The following NFS1 variants were observed in gnomAD, a reference collection of about 807,000 sequenced individuals.
NFS1 encodes the protein cysteine desulfurase.
Under a neutral mutation model 57.3 loss-of-function variants are expected in NFS1, and 26 were observed. That is an observed-to-expected ratio of 0.45 (90% CI 0.33 to 0.63). The LOEUF (loss-of-function observed/expected upper bound fraction) is 0.63. Among genes scored for constraint, NFS1 ranks in the 20% least tolerant of loss-of-function variants. The pLI is 0.02. For synonymous variants in NFS1, 209 were observed against 216.3 expected, an observed-to-expected ratio of 0.97 and a Z score of 0.30; for missense variants, 505 against 605.8, an observed-to-expected ratio of 0.83 and a Z score of 1.75.
intron 7 of NFS1, chr20:35,675,461 A>C: frequency 1.9e-6 from 1 of 527,432 alleles, no homozygotes; most frequent in Non-Finnish European, 3.4e-6. Flanking sequence ...ATGAAATGCC[A>C]TCATACATTA....
At chr20:35,674,072 C>T (rs1357239986) in intron 10 of NFS1, 21 of 482,752 alleles carry the variant, frequency 4.4e-5, no homozygotes, top group Non-Finnish European at 5.3e-5. Context: ...ATTCTAGAGG[C>T]CTGTAACAGA....
chr20:35,695,929 A>C (rs1295777883), intron 4 of NFS1, among the ~76,000 whole-genome samples: 1 of 151,970 alleles, frequency 6.6e-6, no homozygotes, highest in Non-Finnish European at 1.5e-5. Flanking sequence ...ACTCCCAGCT[A>C]CTCTGGAGGC....
Position 35,675,070 on chromosome 20 carries a change from C to G in NFS1, c.923G>C (p.Cys308Ser), listed in dbSNP as rs369408026. The change falls in exon 8 of 13, where the codon TGT becomes TCT. Residue 308 changes from cysteine to serine, a missense_variant. Coordinates refer to ENST00000374092, the MANE Select transcript of NFS1 (RefSeq NM_021100.5). The part of the protein sequence containing the change: ...TPLVVGLGAA[C>S]EVAQQEMEYD... ...CTCCATCTCTTGCTGTGCCACCTCA[C>G]ACGCAGCCCCCAGCCCCACCACTAA... 6 of 1,614,048 alleles carry G rather than the reference C, an allele frequency of 3.7e-6. No homozygotes were observed. Among genetic ancestry groups the G allele is most frequent in the Non-Finnish European group, 5.1e-6 (6 of 1,179,946 alleles).
chr20:35,684,179 G>A (rs557678526), intron 5 of NFS1, among the ~76,000 whole-genome samples: 24 of 150,610 alleles, frequency 1.6e-4, no homozygotes, highest in African/African-American at 4.1e-4. Flanking sequence ...AGGCCGAGGC[G>A]GGCGGATCAC....
chr20:35,699,329 C>G lies in NFS1; in HGVS notation c.-41G>C. On this transcript the variant is annotated 5_prime_UTR_variant, in exon 1 of 13. Coordinates refer to ENST00000374092, the MANE Select transcript of NFS1 (RefSeq NM_021100.5). This position sits in a 1 kb window ranked among gnomAD's most constrained non-coding sequence, Gnocchi z 4.4. Reference sequence around the variant, plus strand: ...GCCCACCTTCCGAAGCCGCTGCAGTCCTGGGCCCCAGGCTCCCGGAAGTGC... The same window carrying G: ...GCCCACCTTCCGAAGCCGCTGCAGTGCTGGGCCCCAGGCTCCCGGAAGTGC... 1 of 1,399,504 alleles carries G rather than the reference C, an allele frequency of 7.1e-7. No homozygotes were observed. Among genetic ancestry groups the G allele is most frequent in the Non-Finnish European group, 9.2e-7 (1 of 1,081,250 alleles). The allele number at this position is 1,399,504 out of a possible 1,614,324, so 86.7% of individuals were successfully genotyped here. A position where few individuals can be genotyped will look rare whatever the true frequency, so the allele number is the denominator to read the frequency against.
chr20:35,668,935 T>C lies in NFS1; in HGVS notation c.*687A>G, dbSNP rs1048069517. ...ACAATTCCCAAGTACAGCTTCCACT[T>C]TTCCCTCAACCTCTCATAAAGTCAC... On this transcript the variant is annotated 3_prime_UTR_variant, in exon 13 of 13. Coordinates refer to ENST00000374092, the MANE Select transcript of NFS1 (RefSeq NM_021100.5). 11 of 152,196 alleles carry C rather than the reference T, an allele frequency of 7.2e-5. No individual in the cohort carries two copies. Among genetic ancestry groups the C allele is most frequent in the African/African-American group, 2.7e-4 (11 of 41,446 alleles). 9.4% of individuals were successfully genotyped at this position (152,196 alleles called of 1,614,324 possible).
intron 4 of NFS1, among the ~76,000 whole-genome samples, chr20:35,691,738 C>CA (rs60402350): frequency 0.22 from 3,899 of 18,070 alleles, 857 homozygotes; most frequent in South Asian, 0.33. Flanking sequence ...GACTGCATCT[C>CA]AAAAAAAAAA....
intron 6 of NFS1, among the ~76,000 whole-genome samples, chr20:35,681,138 T>C (rs2034841430): frequency 6.6e-6 from 1 of 152,026 alleles, no homozygotes; most frequent in East Asian, 1.9e-4. Context: ...GATATTCTTA[T>C]GCATACAATT....
rs191953574 is a variant in NFS1, at chr20:35,681,603, C to T, written c.655+285G>A. ...GTCCCAGCTACTCAAGAGGCTGAGG[C>T]GGTAGGATCATTTGAACCCAGAGTG... On this transcript the variant is annotated intron_variant, in intron 6 of 12. Coordinates refer to ENST00000374092, the MANE Select transcript of NFS1 (RefSeq NM_021100.5). Among the ~76,000 whole-genome samples the T allele has an allele frequency of 6.5e-4, 99 of 152,168 alleles. 1 individual carries two copies. The South Asian group carries it at 0.01, about 16-fold the overall frequency.
intron 4 of NFS1, among the ~76,000 whole-genome samples, chr20:35,691,571 T>C (rs1212857050): frequency 6.7e-6 from 1 of 149,620 alleles, no homozygotes; most frequent in African/African-American, 2.5e-5. Context: ...GGAAACCCCA[T>C]CTCTACTAAA....
At position 35,669,066 on chromosome 20, in the gene NFS1, C is replaced by T. The variant is rs566098798; in HGVS notation, c.*556G>A. The T allele has an allele frequency of 5.3e-5, 8 of 152,248 alleles. No homozygotes were observed. The highest frequency in any genetic ancestry group is 2.1e-4 in the South Asian group (1 of 4,824). The allele number at this position is 152,248 out of a possible 1,614,324, so 9.4% of individuals were successfully genotyped here. A position where few individuals can be genotyped will look rare whatever the true frequency, so the allele number is the denominator to read the frequency against. On this transcript the variant is annotated 3_prime_UTR_variant, in exon 13 of 13. Coordinates refer to ENST00000374092, the MANE Select transcript of NFS1 (RefSeq NM_021100.5). ...GGAGTCACAGACATATTTCTAGCTCCATTAGGTCAAAGGAAAGGAAAGAGG... is the reference window on the plus strand; with the variant it reads ...GGAGTCACAGACATATTTCTAGCTCTATTAGGTCAAAGGAAAGGAAAGAGG...
intron 2 of NFS1, 34 bp from the exon 3 acceptor site, chr20:35,697,834 C>T (rs780649910): frequency 6.8e-6 from 10 of 1,478,450 alleles, no homozygotes; most frequent in South Asian, 3.5e-5. Flanking sequence ...TTTCCTTGAG[C>T]GCATCGTCAA....
chr20:35,678,349 C>T (rs754093646), intron 7 of NFS1, among the ~76,000 whole-genome samples: 7 of 150,716 alleles, frequency 4.6e-5, no homozygotes, highest in African/African-American at 7.3e-5. Flanking sequence ...AGCGAGACTC[C>T]GTCTCAAAAA....
rs1284320714 is a variant in NFS1, at chr20:35,698,593, G to T, written c.98-3C>A. The T allele has an allele frequency of 6.3e-7, 1 of 1,593,276 alleles. No individual in the cohort carries two copies. Among genetic ancestry groups the T allele is most frequent in the African/African-American group, 1.4e-5 (1 of 73,440 alleles). On this transcript the variant is annotated splice_polypyrimidine_tract_variant and splice_region_variant and intron_variant, in intron 1 of 12. Coordinates refer to ENST00000374092, the MANE Select transcript of NFS1 (RefSeq NM_021100.5). ...AGACTGAGGAGCACGGTCTCCAACT[G>T]ATAAAAAATGGAACGGAGTAGCCAA...
intron 4 of NFS1, among the ~76,000 whole-genome samples, chr20:35,695,379 G>A (rs1198262622): frequency 6.6e-6 from 1 of 152,196 alleles, no homozygotes; most frequent in Non-Finnish European, 1.5e-5. Context: ...GAGAGCAAGT[G>A]GAGCCAGAGT....
At chr20:35,676,336 C>G (rs1020524796) in intron 7 of NFS1, 1 of 150,678 alleles carries the variant, frequency 6.6e-6, no homozygotes. Flanking sequence ...ACCTGTAATC[C>G]CAGTGCTTTG....
intron 7 of NFS1, among the ~76,000 whole-genome samples, chr20:35,676,758 G>GAAAAAAAAAAAAAAAAAA (rs746820595): frequency 6.6e-4 from 12 of 18,132 alleles, no homozygotes; most frequent in Non-Finnish European, 9.2e-4. Flanking sequence ...GAGAAAATCA[G>GAAAAAAAAAAAAAAAAAA]AAAAAAAAAA....
chr20:35,671,120 T>G (rs6121024), intron 12 of NFS1, among the ~76,000 whole-genome samples: 1 of 152,118 alleles, frequency 6.6e-6, no homozygotes, highest in Admixed American at 6.5e-5. Flanking sequence ...GATTGATTGA[T>G]TGAGACAGAG....
chr20:35,670,364 T>A (rs2034633492), intron 12 of NFS1, among the ~76,000 whole-genome samples: 1 of 152,182 alleles, frequency 6.6e-6, no homozygotes, highest in African/African-American at 2.4e-5. Context: ...CTCTGATCGA[T>A]CCCCAAGCAG....
Sources: allele counts gnomAD v4.1 joint callset (sites outside exome capture counted in the v4.1 genomes callset), GRCh38; gene constraint gnomAD v4.1.1; non-coding constraint Gnocchi (gnomAD v3.1); transcripts MANE v1.5; gene names NCBI Gene and HGNC (gene_info 2026-07-23, HGNC 2026-07-21).